CNTFR: variants seen among roughly 807,000 people sequenced by gnomAD.
The protein encoded by CNTFR is ciliary neurotrophic factor receptor subunit alpha.
Under a neutral mutation model 40.4 loss-of-function variants are expected in CNTFR, and 12 were observed. That is an observed-to-expected ratio of 0.30 (90% CI 0.19 to 0.48). The LOEUF is 0.48. Among genes scored for constraint, CNTFR ranks in the 20% least tolerant of loss-of-function variants. CNTFR has a pLI of 0.99. For missense variants in CNTFR, 414 were observed against 506.8 expected, an observed-to-expected ratio of 0.82 and a Z score of 1.76; for synonymous variants, 202 against 209.6, an observed-to-expected ratio of 0.96 and a Z score of 0.31.
chr9:34,552,786 C>A lies in CNTFR; in HGVS notation c.837G>T (p.Gln279His). The A allele has an allele frequency of 6.2e-7, 1 of 1,613,834 alleles. No homozygotes were observed. Among genetic ancestry groups the A allele is most frequent in the Non-Finnish European group, 8.5e-7 (1 of 1,179,920 alleles). The change falls in exon 8 of 10, where the codon CAG becomes CAT. Residue 279 changes from glutamine (Q) to histidine (H), a missense_variant. By Grantham distance (24) the Gln-to-His change is conservative. Transcript: ENST00000378980. This position sits in a 1 kb window ranked among gnomAD's most constrained non-coding sequence, Gnocchi z 5.1. ...CAATCTCATTGTCCTTGGCTGCCAC[C>A]TGGATAATGTACTCCTTCCCGGCGT... ...DAYAGKEYII[Q>H]VAAKDNEIGT...
intron 4 of CNTFR, among the ~76,000 whole-genome samples, chr9:34,558,862 AG>A (rs1391935090): frequency 6.6e-6 from 1 of 152,196 alleles, no homozygotes; most frequent in African/African-American, 2.4e-5. Flanking sequence ...ACCCCAGGAC[AG>A]GGGTAACCCT....
At chr9:34,577,189 T>C (rs1489236783) in intron 2 of CNTFR, among the ~76,000 whole-genome samples, 2 of 152,180 alleles carry the variant, frequency 1.3e-5, no homozygotes, top group Non-Finnish European at 2.9e-5. Flanking sequence ...GAATCCAGGC[T>C]GTGCTGGCCA....
chr9:34,575,995 G>A (rs571488175), intron 2 of CNTFR, among the ~76,000 whole-genome samples: 12 of 151,288 alleles, frequency 7.9e-5, no homozygotes, highest in Admixed American at 2.6e-4. Flanking sequence ...GCGTGAGTAC[G>A]TGCACACACG....
At chr9:34,588,393 C>G (rs914962018) in intron 1 of CNTFR, among the ~76,000 whole-genome samples, 5 of 152,216 alleles carry the variant, frequency 3.3e-5, no homozygotes, top group Non-Finnish European at 2.9e-5. Context: ...CTCGGACACA[C>G]AGCAATTACA....
chr9:34,572,245 G>A (rs1445260935), intron 2 of CNTFR, among the ~76,000 whole-genome samples: 1 of 151,566 alleles, frequency 6.6e-6, no homozygotes, highest in Non-Finnish European at 1.5e-5. Flanking sequence ...ACTCCCAACT[G>A]GGCCCAATGC....
chr9:34,569,275 T>A (rs540121615), intron 2 of CNTFR, among the ~76,000 whole-genome samples: 17 of 152,206 alleles, frequency 1.1e-4, no homozygotes, highest in Non-Finnish European at 1.8e-4. Flanking sequence ...ATTATTGGCA[T>A]CTGTAGGCAA....
intron 2 of CNTFR, among the ~76,000 whole-genome samples, chr9:34,577,084 C>G (rs189952934): frequency 2.0e-5 from 3 of 152,204 alleles, no homozygotes; most frequent in Non-Finnish European, 4.4e-5. Context: ...CTCTAACTAA[C>G]CACTGAGGAG....
chr9:34,565,470 C>G (rs1231566836), intron 3 of CNTFR, among the ~76,000 whole-genome samples: 1 of 152,142 alleles, frequency 6.6e-6, no homozygotes, highest in Non-Finnish European at 1.5e-5. Flanking sequence ...AGGGCTCAGG[C>G]AGCAGCAGGA....
chr9:34,573,216 G>A (rs1443199616), intron 2 of CNTFR, among the ~76,000 whole-genome samples: 2 of 152,184 alleles, frequency 1.3e-5, no homozygotes, highest in Non-Finnish European at 2.9e-5. Flanking sequence ...GGAGGTGTGA[G>A]TTTTGGAAAG....
intron 1 of CNTFR, among the ~76,000 whole-genome samples, chr9:34,585,515 ACGCC>A (rs1827500786): frequency 6.6e-6 from 1 of 152,076 alleles, no homozygotes; most frequent in African/African-American, 2.4e-5. Flanking sequence ...CTCTTCCTCA[ACGCC>A]TGCTCCAGCT....
intron 2 of CNTFR, among the ~76,000 whole-genome samples, chr9:34,575,433 G>C (rs572197328): frequency 1.3e-5 from 2 of 152,278 alleles, no homozygotes; most frequent in South Asian, 2.1e-4. Context: ...CCTTAGCAGG[G>C]GGGTGGGGTA....
intron 2 of CNTFR, among the ~76,000 whole-genome samples, chr9:34,579,675 G>A (rs1470124127): frequency 2.0e-5 from 3 of 152,070 alleles, no homozygotes; most frequent in African/African-American, 7.2e-5. Flanking sequence ...GAGACAGGGA[G>A]GAAAGGAACC....
upstream of CNTFR, chr9:34,590,183 C>CAT (rs1286706272): frequency 6.5e-6 from 1 of 154,210 alleles, no homozygotes; most frequent in African/African-American, 2.4e-5. Context: ...CACACACACA[C>CAT]ACACCCACTC....
chr9:34,576,899 T>C (rs1297784884), intron 2 of CNTFR, among the ~76,000 whole-genome samples: 1 of 152,192 alleles, frequency 6.6e-6, no homozygotes, highest in Non-Finnish European at 1.5e-5. Flanking sequence ...CATAACTGTC[T>C]AGCGGGCACC....
intron 2 of CNTFR, among the ~76,000 whole-genome samples, chr9:34,577,938 T>A (rs1158901613): frequency 2.3e-5 from 3 of 130,342 alleles, no homozygotes; most frequent in Non-Finnish European, 3.4e-5. Context: ...CTGGGCGGGC[T>A]GGCGGGCGGG....
chr9:34,582,472 A>G (rs1211612146), intron 1 of CNTFR: 1 of 151,930 alleles, frequency 6.6e-6, no homozygotes, highest in African/African-American at 2.4e-5. Context: ...CATTCAAAAG[A>G]CCCCTCACCT....
intron 2 of CNTFR, among the ~76,000 whole-genome samples, chr9:34,577,942 G>A (rs1334764195): frequency 6.6e-6 from 1 of 151,184 alleles, no homozygotes; most frequent in African/African-American, 2.4e-5. Flanking sequence ...GCGGGCTGGC[G>A]GGCGGGCGAG....
intron 3 of CNTFR, among the ~76,000 whole-genome samples, chr9:34,565,768 G>A (rs1397547617): frequency 5.3e-5 from 8 of 152,174 alleles, no homozygotes; most frequent in Non-Finnish European, 7.3e-5. Flanking sequence ...TGGGGGAAGC[G>A]ATCAGGGCAG....
intron 1 of CNTFR, among the ~76,000 whole-genome samples, chr9:34,581,586 G>A (rs576230341): frequency 7.9e-5 from 12 of 152,286 alleles, no homozygotes; most frequent in African/African-American, 2.4e-5. Context: ...AACCACCATC[G>A]TAACACCCCC....
Sources: gnomAD v4.1 joint callset for allele counts (sites outside exome capture counted in the v4.1 genomes callset) on GRCh38, gnomAD v4.1.1 for gene constraint, Gnocchi (gnomAD v3.1) non-coding constraint, MANE v1.5 for transcripts, NCBI Gene and HGNC (gene_info 2026-07-23, HGNC 2026-07-21) for gene names.